Variants in PDE10A observed in about 807,000 individuals in gnomAD.
PDE10A encodes cAMP and cAMP-inhibited cGMP 3',5'-cyclic phosphodiesterase 10A.
PDE10A carries 39 observed loss-of-function variants against 97.7 expected under a neutral mutation model. That is an observed-to-expected ratio of 0.40 (90% CI 0.31 to 0.52). The LOEUF is 0.52. Ranked by LOEUF, PDE10A falls within the 20% of genes least tolerant of loss-of-function variation. The probability of loss-of-function intolerance (pLI) is 0.56; values close to 1 mark genes in which losing one functional copy is unlikely to be tolerated. For synonymous variants in PDE10A, 371 were observed against 376.8 expected, an observed-to-expected ratio of 0.98 and a Z score of 0.18; for missense variants, 731 against 1,047.8, an observed-to-expected ratio of 0.70 and a Z score of 4.17.
intron 1 of PDE10A, among the ~76,000 whole-genome samples, chr6:165,933,707 A>T (rs1400488575): frequency 6.6e-6 from 1 of 152,208 alleles, no homozygotes; most frequent in Non-Finnish European, 1.5e-5. Context: ...GAATATACAC[A>T]TCTTTTGGTA....
chr6:165,748,485 C>T (rs915362658), intron 1 of PDE10A, among the ~76,000 whole-genome samples: 15 of 152,182 alleles, frequency 9.9e-5, no homozygotes, highest in African/African-American at 3.4e-4. Context: ...GCATTTTCCC[C>T]CTTTCAAGTA....
intron 18 of PDE10A, among the ~76,000 whole-genome samples, chr6:165,373,946 T>C (rs1195680995): frequency 2.0e-5 from 3 of 151,292 alleles, no homozygotes; most frequent in Admixed American, 6.6e-5. Context: ...ATGGATGAAA[T>C]TGGAATCATC....
At chr6:165,631,307 A>G (rs1788617391) in intron 1 of PDE10A, among the ~76,000 whole-genome samples, 1 of 152,218 alleles carries the variant, frequency 6.6e-6, no homozygotes, top group South Asian at 2.1e-4. Context: ...TGTTATACAC[A>G]CACGTATGTA....
At chr6:165,511,519 C>T (rs763025128) in intron 2 of PDE10A, among the ~76,000 whole-genome samples, 9 of 151,902 alleles carry the variant, frequency 5.9e-5, no homozygotes, top group Non-Finnish European at 1.3e-4. Context: ...CTCTGTAAAC[C>T]TTAGGTCCAG....
At chr6:165,895,889 C>A (rs1726684772) in intron 1 of PDE10A, among the ~76,000 whole-genome samples, 2 of 152,174 alleles carry the variant, frequency 1.3e-5, no homozygotes, top group Admixed American at 1.3e-4. Context: ...GGCTTCTGGA[C>A]ACACAAGCAG....
chr6:165,627,241 T>C (rs1025800614), intron 1 of PDE10A, among the ~76,000 whole-genome samples: 2 of 152,238 alleles, frequency 1.3e-5, no homozygotes, highest in African/African-American at 4.8e-5. Flanking sequence ...GTATGTAACA[T>C]ACAGGCATAA....
intron 1 of PDE10A, among the ~76,000 whole-genome samples, chr6:165,853,217 G>A (rs1187522245): frequency 6.6e-6 from 1 of 152,166 alleles, no homozygotes; most frequent in South Asian, 2.1e-4. Flanking sequence ...GGTTCTCATG[G>A]TTGCTTTTCT....
chr6:165,364,055 A>G lies in PDE10A; in HGVS notation c.2783+15139T>C, dbSNP rs1377343589. ...CTAGAGACCCAGAATAGTGAAAACA[A>G]TATCGGGAAAGAAGAGAGGAAGGAA... On this transcript the variant is annotated intron_variant, in intron 18 of 21. Transcript: ENST00000539869. Among the ~76,000 whole-genome samples the G allele has an allele frequency of 3.3e-5, 5 of 152,358 alleles. No homozygotes were observed. The East Asian group carries it at 5.8e-4, about 18-fold the overall frequency.
chr6:165,795,359 C>T (rs928562638), intron 1 of PDE10A, among the ~76,000 whole-genome samples: 2 of 152,136 alleles, frequency 1.3e-5, no homozygotes, highest in African/African-American at 2.4e-5. Flanking sequence ...CCTCATCCAC[C>T]GTCGTGGTGC....
intron 5 of PDE10A, among the ~76,000 whole-genome samples, chr6:165,436,094 C>T (rs529575140): frequency 6.6e-6 from 1 of 152,208 alleles, no homozygotes; most frequent in East Asian, 1.9e-4. Context: ...ATAAGAATTG[C>T]TACTTTAATC....
chr6:165,624,808 A>G (rs117130474), intron 1 of PDE10A, among the ~76,000 whole-genome samples: 12 of 152,336 alleles, frequency 7.9e-5, no homozygotes, highest in African/African-American at 1.2e-4. Flanking sequence ...TGACATGATC[A>G]TAAGTGTTTT....
At chr6:165,719,405 T>C (rs573037989) in intron 1 of PDE10A, among the ~76,000 whole-genome samples, 1 of 152,236 alleles carries the variant, frequency 6.6e-6, no homozygotes, top group African/African-American at 2.4e-5. Flanking sequence ...CTGTTCTATT[T>C]CTTAACAGCA....
chr6:165,837,965 G>A (rs149033176), intron 1 of PDE10A, among the ~76,000 whole-genome samples: 10 of 152,278 alleles, frequency 6.6e-5, no homozygotes, highest in African/African-American at 2.4e-4. Flanking sequence ...GGTTACAGGC[G>A]TGAGCCACCT....
At chr6:165,782,671 T>G (rs1367848010) in intron 1 of PDE10A, among the ~76,000 whole-genome samples, 1 of 152,240 alleles carries the variant, frequency 6.6e-6, no homozygotes, top group East Asian at 1.9e-4. Context: ...TAACGTAGTA[T>G]TCATCATAAA....
At chr6:165,785,095 C>T (rs2128462483) in intron 1 of PDE10A, among the ~76,000 whole-genome samples, 1 of 152,368 alleles carries the variant, frequency 6.6e-6, no homozygotes, top group East Asian at 1.9e-4. Context: ...TGAATTCTTT[C>T]ATCACTGCTT....
chr6:165,653,093 C>T (rs972335291), intron 1 of PDE10A, among the ~76,000 whole-genome samples: 2 of 152,226 alleles, frequency 1.3e-5, no homozygotes, highest in Non-Finnish European at 2.9e-5. Flanking sequence ...AGTTTCAAGT[C>T]ATGCCAGTGA....
chr6:165,576,787 G>A (rs77905066), intron 1 of PDE10A, among the ~76,000 whole-genome samples: 6,257 of 152,256 alleles, frequency 0.041, 383 homozygotes, highest in East Asian at 0.32. Flanking sequence ...CCTTCACAGT[G>A]TTTCTGCCTC....
chr6:165,958,206 C>T (rs910595679), intron 1 of PDE10A, among the ~76,000 whole-genome samples: 2 of 152,122 alleles, frequency 1.3e-5, no homozygotes, highest in Non-Finnish European at 2.9e-5. Flanking sequence ...TGAGCTTCAA[C>T]GTCCTGGGCT....
intron 1 of PDE10A, chr6:165,775,732 C>T (rs910216916): frequency 5.9e-5 from 9 of 152,224 alleles, no homozygotes; most frequent in African/African-American, 2.2e-4. Context: ...ATTGGAAACA[C>T]ACCATTTTGC....
Sources: gnomAD v4.1 joint callset for allele counts (sites outside exome capture counted in the v4.1 genomes callset) on GRCh38, gnomAD v4.1.1 for gene constraint, MANE v1.5 for transcripts, NCBI Gene and HGNC (gene_info 2026-07-23, HGNC 2026-07-21) for gene names.